NRG3: variants seen among roughly 807,000 people sequenced by gnomAD.
NRG3 encodes neuregulin 3.
A neutral mutation model predicts 66.9 loss-of-function variants in NRG3; 31 were observed. That is an observed-to-expected ratio of 0.46 (90% confidence interval 0.35 to 0.63). The LOEUF is 0.63. Among genes scored for constraint, NRG3 ranks in the 20% least tolerant of loss-of-function variants. The pLI, the probability that NRG3 is intolerant of heterozygous loss-of-function variation, is 0.00. For synonymous variants in NRG3, 393 were observed against 359.4 expected (o/e 1.09, Z -1.06); for missense variants, 910 against 878.9 (o/e 1.04, Z -0.45).
chr10:82,211,274 A>T (rs564625336), intron 1 of NRG3, among the ~76,000 whole-genome samples: 11 of 152,232 alleles, frequency 7.2e-5, no homozygotes, highest in African/African-American at 2.6e-4. Flanking sequence ...CCAAGCTTTA[A>T]ACTTTAGGGA....
At chr10:82,945,767 T>G (rs749102074) in intron 4 of NRG3, among the ~76,000 whole-genome samples, 6 of 152,218 alleles carry the variant, frequency 3.9e-5, no homozygotes, top group Non-Finnish European at 5.9e-5. Flanking sequence ...TTCTTAGTAC[T>G]GTTACAATGA....
At chr10:82,110,208 T>C (rs982167056) in intron 1 of NRG3, among the ~76,000 whole-genome samples, 7 of 152,134 alleles carry the variant, frequency 4.6e-5, no homozygotes, top group African/African-American at 1.7e-4. Flanking sequence ...TACAGATATC[T>C]ATGGTGAGTA....
intron 1 of NRG3, among the ~76,000 whole-genome samples, chr10:82,188,969 A>T (rs2073974783): frequency 6.6e-6 from 1 of 152,174 alleles, no homozygotes; most frequent in Non-Finnish European, 1.5e-5. Context: ...AAATTAAAGA[A>T]CATGGAGAAG....
chr10:82,265,158 G>C (rs182127018), intron 1 of NRG3, among the ~76,000 whole-genome samples: 1 of 152,176 alleles, frequency 6.6e-6, no homozygotes, highest in Non-Finnish European at 1.5e-5. Context: ...GGGGCCGCCA[G>C]TGCCAAGAAC....
chr10:82,358,694 A>G (rs2083930790), intron 1 of NRG3, 45 bp from the exon 2 acceptor site: 1 of 1,611,690 alleles, frequency 6.2e-7, no homozygotes, highest in Admixed American at 1.7e-5. Context: ...TGTTGGTGTC[A>G]GAATGTACTG....
At chr10:82,394,404 C>G (rs1318266399) in intron 2 of NRG3, among the ~76,000 whole-genome samples, 2 of 152,150 alleles carry the variant, frequency 1.3e-5, no homozygotes, top group Non-Finnish European at 2.9e-5. Flanking sequence ...ACAGGAGGAA[C>G]AAATCAGGAA....
intron 2 of NRG3, among the ~76,000 whole-genome samples, chr10:82,380,897 T>G (rs1237329474): frequency 6.6e-6 from 1 of 152,060 alleles, no homozygotes; most frequent in Non-Finnish European, 1.5e-5. Context: ...ACAGCCAGAT[T>G]TTCATTAATA....
At chr10:82,567,274 G>A (rs1371484099) in intron 2 of NRG3, among the ~76,000 whole-genome samples, 1 of 149,386 alleles carries the variant, frequency 6.7e-6, no homozygotes, top group Non-Finnish European at 1.5e-5. Context: ...CGGCCACTAA[G>A]GATATTTCTC....
At chr10:82,809,277 CA>C (rs1288329708) in intron 3 of NRG3, among the ~76,000 whole-genome samples, 13 of 152,192 alleles carry the variant, frequency 8.5e-5, no homozygotes, top group South Asian at 4.1e-4. Flanking sequence ...GCATATTAAA[CA>C]AAGTAGAAGA....
rs1413001997 is a variant in NRG3, at chr10:82,365,618, A to C, written c.953+6750A>C. On this transcript the variant is annotated intron_variant, in intron 2 of 8. Transcript: ENST00000372141. ...TTTTGTAATTCCATGACACTTAAGC[A>C]GTGGTTTACCTCTTCTAATTCGACC... is the stretch of plus-strand genomic sequence containing the variant. 3.3e-5 allele frequency among the ~76,000 whole-genome samples: 5 copies of C among 152,310 alleles called. No individual in the cohort carries two copies. In the East Asian group the frequency reaches 9.7e-4, roughly 29 times the overall value.
chr10:82,172,615 A>G (rs888775239), intron 1 of NRG3, among the ~76,000 whole-genome samples: 4 of 152,016 alleles, frequency 2.6e-5, no homozygotes, highest in African/African-American at 4.8e-5. Flanking sequence ...ATATATGAAA[A>G]CAGAGATCAC....
chr10:82,642,273 T>A (rs1198091666), intron 2 of NRG3, among the ~76,000 whole-genome samples: 2 of 151,930 alleles, frequency 1.3e-5, no homozygotes, highest in Non-Finnish European at 2.9e-5. Flanking sequence ...TGGAGTTTTT[T>A]TTTTTAATAG....
intron 3 of NRG3, among the ~76,000 whole-genome samples, chr10:82,741,735 T>C (rs1418327295): frequency 6.6e-6 from 1 of 152,228 alleles, no homozygotes; most frequent in South Asian, 2.1e-4. Flanking sequence ...CCATTCCAAA[T>C]GACTCCAGGA....
rs2062329463 is a variant in NRG3 at position 82,026,741 on chromosome 10, G to C, written c.823+150578G>C. Among the ~76,000 whole-genome samples, 3 of 151,828 alleles carry C rather than the reference G, an allele frequency of 2.0e-5. No individual in the cohort carries two copies. In the South Asian group the frequency reaches 6.2e-4, roughly 31 times the overall value. The stretch of plus-strand genomic sequence containing the variant: ...TGGAAACCTTCTTATTTCTGAAAAA[G>C]AGCAAGGCCTGTGATTAAGAAGAGT... On this transcript the variant is annotated intron_variant, in intron 1 of 8. Transcript: ENST00000372141.
At chr10:82,401,993 G>T (rs1485454562) in intron 2 of NRG3, among the ~76,000 whole-genome samples, 1 of 151,986 alleles carries the variant, frequency 6.6e-6, no homozygotes, top group Admixed American at 6.6e-5. Flanking sequence ...AAATCCAACT[G>T]ATATTGAGAA....
chr10:82,079,018 G>A (rs181645873), intron 1 of NRG3, among the ~76,000 whole-genome samples: 6 of 152,062 alleles, frequency 3.9e-5, no homozygotes, highest in South Asian at 2.1e-4. Flanking sequence ...TTGATAAAAC[G>A]TGTTGTATTA....
intron 3 of NRG3, among the ~76,000 whole-genome samples, chr10:82,812,851 A>G (rs925401144): frequency 3.0e-4 from 46 of 152,216 alleles, no homozygotes; most frequent in Admixed American, 5.2e-4. Flanking sequence ...AGTACAAAAA[A>G]TATGTTTATT....
At chr10:82,410,052 C>T (rs953295514) in intron 2 of NRG3, among the ~76,000 whole-genome samples, 1 of 152,104 alleles carries the variant, frequency 6.6e-6, no homozygotes, top group Admixed American at 6.6e-5. Flanking sequence ...AGGGTCAATT[C>T]CTTCATACCG....
intron 1 of NRG3, among the ~76,000 whole-genome samples, chr10:82,296,670 A>G (rs1367114600): frequency 6.6e-6 from 1 of 151,890 alleles, no homozygotes; most frequent in African/African-American, 2.4e-5. Flanking sequence ...GAACATTTCA[A>G]CTCTTTTCTT....
Sources: allele counts gnomAD v4.1 joint callset (sites outside exome capture counted in the v4.1 genomes callset), GRCh38; gene constraint gnomAD v4.1.1; transcripts MANE v1.5; gene names NCBI Gene and HGNC (gene_info 2026-07-23, HGNC 2026-07-21).